Variants in LONP2 observed in about 807,000 individuals in gnomAD.
LONP2 encodes lon protease homolog 2, peroxisomal.
Under a neutral mutation model 85.6 loss-of-function variants are expected in LONP2, and 60 were observed. The observed-to-expected ratio is 0.70, with a 90% CI of 0.57 to 0.87. The LOEUF is 0.87. Among genes scored for constraint, LONP2 ranks in the 40% least tolerant of loss-of-function variants. LONP2 has a pLI of 0.00. For missense variants in LONP2, 860 were observed against 1,063.5 expected (o/e 0.81, Z 2.66); for synonymous variants, 395 against 389.7 (o/e 1.01, Z -0.16).
At chr16:48,335,230 T>G (rs1184081237) in intron 12 of LONP2, among the ~76,000 whole-genome samples, 1 of 152,142 alleles carries the variant, frequency 6.6e-6, no homozygotes, top group South Asian at 2.1e-4. Context: ...AGGCGGGGAA[T>G]CAACCTGATA....
In LONP2 at chr16:48,258,660, A is replaced by G; in HGVS notation, c.643A>G (p.Ile215Val). 6.8e-6 allele frequency: 11 copies of G among 1,611,806 alleles called. No individual in the cohort carries two copies. The highest frequency in any genetic ancestry group is 9.3e-6 in the Non-Finnish European group (11 of 1,179,046). ...CCTAGAGGAGCGGTTCAAGATGACT[A>G]TACCACTGCTTGTCAGACAAATTGA... ...VSLEERFKMT[I>V]PLLVRQIEGL... The change falls in exon 4 of 15, where the codon ATA (isoleucine) becomes GTA (valine). Residue 215 changes from isoleucine to valine, a missense_variant. By Grantham distance (29) the Ile-to-Val change is conservative. Around this residue, in one of 3 missense-constraint regions of LONP2, gnomAD observed 743 missense variants for 917.3 expected, o/e 0.81. Transcript: ENST00000285737.
At chr16:48,245,811 C>T (rs1356057732) in intron 1 of LONP2, among the ~76,000 whole-genome samples, 2 of 151,888 alleles carry the variant, frequency 1.3e-5, no homozygotes, top group Admixed American at 6.6e-5. Context: ...TATATGTGGT[C>T]CACATTATAT....
At position 48,354,959 on chromosome 16, in the gene LONP2, T is replaced by A. The variant is rs1960285954; in HGVS notation, c.*3157T>A. 1 of 152,324 alleles carries A rather than the reference T, an allele frequency of 6.6e-6. No homozygotes were observed. Among genetic ancestry groups the A allele is most frequent in the Non-Finnish European group, 1.5e-5 (1 of 68,020 alleles). 9.4% of individuals were successfully genotyped at this position (152,324 alleles called of 1,614,324 possible). The stretch of plus-strand genomic sequence containing the variant: ...TTTTGTCAAACAAAAACTAATACTT[T>A]CCCTGGGAAAAAGCCATGTGGTAGC... On this transcript the variant is annotated 3_prime_UTR_variant, in exon 15 of 15. Coordinates refer to ENST00000285737, the MANE Select transcript of LONP2 (RefSeq NM_031490.5).
rs1960168326 is a variant in LONP2, at chr16:48,352,017, G to A, written c.*215G>A. 1.7e-6 allele frequency: 1 copy of A among 571,532 alleles called. No individual in the cohort carries two copies. The highest frequency in any genetic ancestry group is 2.2e-5 in the South Asian group (1 of 46,134). The allele number at this position is 571,532 out of a possible 1,614,324, so 35.4% of individuals were successfully genotyped here. A position where few individuals can be genotyped will look rare whatever the true frequency, so the allele number is the denominator to read the frequency against. On this transcript the variant is annotated 3_prime_UTR_variant, in exon 15 of 15. Transcript: ENST00000285737. ...TAAAAATCGAATTCTTGTCTTTTTA[G>A]TGGGATCCTTACTGTCCCTGGAAAG...
intron 1 of LONP2, among the ~76,000 whole-genome samples, chr16:48,245,438 T>C (rs1971313120): frequency 1.3e-5 from 2 of 152,218 alleles, no homozygotes; most frequent in Non-Finnish European, 2.9e-5. Context: ...GAAGAATAAA[T>C]TGAATAATGT....
At chr16:48,299,814 T>G in intron 10 of LONP2, 26 bp downstream of exon 10, 1 of 1,600,710 alleles carries the variant, frequency 6.2e-7, no homozygotes, top group Non-Finnish European at 8.5e-7. Flanking sequence ...TGAGGCTTCA[T>G]TAACTCCAGG....
At chr16:48,303,027 G>T in intron 10 of LONP2, 145 bp from the exon 11 acceptor site, 1 of 718,960 alleles carries the variant, frequency 1.4e-6, no homozygotes, top group Non-Finnish European at 2.2e-6. Context: ...ATAATGAGGA[G>T]TTTTAAGTGT....
At chr16:48,298,727 T>G (rs1046142904) in intron 9 of LONP2, among the ~76,000 whole-genome samples, 2 of 151,760 alleles carry the variant, frequency 1.3e-5, no homozygotes, top group Non-Finnish European at 2.9e-5. Flanking sequence ...ATTTGAAATT[T>G]CAGAGGATTT....
chr16:48,318,557 T>C (rs943850332), intron 11 of LONP2, among the ~76,000 whole-genome samples: 1 of 152,108 alleles, frequency 6.6e-6, no homozygotes, highest in African/African-American at 2.4e-5. Context: ...AAATAAAATA[T>C]TTGAATTTTA....
At chr16:48,346,905 CT>C (rs1214413322) in intron 12 of LONP2, among the ~76,000 whole-genome samples, 1 of 151,772 alleles carries the variant, frequency 6.6e-6, no homozygotes, top group East Asian at 2.0e-4. Context: ...AATCCCAGCA[CT>C]TTGGGAGGCT....
chr16:48,282,051 A>G (rs1972338885), intron 8 of LONP2, among the ~76,000 whole-genome samples: 1 of 152,232 alleles, frequency 6.6e-6, no homozygotes, highest in African/African-American at 2.4e-5. Context: ...TAAATAAGGC[A>G]TACCTTGTTT....
intron 12 of LONP2, among the ~76,000 whole-genome samples, chr16:48,337,850 G>C (rs963163320): frequency 6.6e-6 from 1 of 152,180 alleles, no homozygotes; most frequent in African/African-American, 2.4e-5. Flanking sequence ...GTCTCACTCT[G>C]TCACCTAGGC....
chr16:48,292,128 A>G (rs1972568137), intron 8 of LONP2, among the ~76,000 whole-genome samples: 2 of 152,240 alleles, frequency 1.3e-5, no homozygotes. Context: ...CATCTAGCTT[A>G]GTGAATCTGC....
chr16:48,287,873 G>T (rs1239729782), intron 8 of LONP2, among the ~76,000 whole-genome samples: 2 of 152,140 alleles, frequency 1.3e-5, no homozygotes, highest in Admixed American at 1.3e-4. Flanking sequence ...TTCTGGAGGA[G>T]CAGATTTTCA....
chr16:48,269,010 G>A (rs1596926941), intron 6 of LONP2, among the ~76,000 whole-genome samples: 1 of 152,074 alleles, frequency 6.6e-6, no homozygotes, highest in East Asian at 1.9e-4. Context: ...TTATACCCTG[G>A]CAGCCACCCA....
At chr16:48,263,539 T>C (rs1435964708) in intron 6 of LONP2, among the ~76,000 whole-genome samples, 1 of 152,232 alleles carries the variant, frequency 6.6e-6, no homozygotes, top group African/African-American at 2.4e-5. Flanking sequence ...CAAGATTTCC[T>C]TCTTTTTTAA....
intron 11 of LONP2, among the ~76,000 whole-genome samples, chr16:48,310,928 C>G (rs1013964807): frequency 2.6e-4 from 39 of 152,168 alleles, no homozygotes; most frequent in Admixed American, 1.5e-3. Flanking sequence ...CTTACACTAG[C>G]AGGATACAAA....
chr16:48,293,099 T>C (rs185528603), intron 8 of LONP2, among the ~76,000 whole-genome samples: 14 of 152,342 alleles, frequency 9.2e-5, no homozygotes, highest in Middle Eastern at 3.4e-3. Flanking sequence ...ATATCCAGCA[T>C]ATATGAATTA....
Position 48,261,492 on chromosome 16 carries a change from T to C in LONP2, c.792T>C (p.Asp264=). Residue 264 remains aspartate, a synonymous_variant, in exon 5 of 15, where the codon GAT becomes GAC. Transcript: ENST00000285737. ...ISGTLEDEDE[D]EDNDDIVMLE... ...GTACTTTAGAAGATGAAGATGAAGATGAAGATAATGATGACATTGTCATGC... is the reference window on the plus strand; with the variant it reads ...GTACTTTAGAAGATGAAGATGAAGACGAAGATAATGATGACATTGTCATGC... 6.2e-7 allele frequency: 1 copy of C among 1,608,232 alleles called. No homozygotes were observed. Among genetic ancestry groups the C allele is most frequent in the Non-Finnish European group, 8.5e-7 (1 of 1,176,906 alleles).
Sources: gnomAD v4.1 joint callset for allele counts (sites outside exome capture counted in the v4.1 genomes callset) on GRCh38, gnomAD v4.1.1 for gene constraint, gnomAD v4.1.1 regional missense constraint, MANE v1.5 for transcripts, NCBI Gene and HGNC (gene_info 2026-07-23, HGNC 2026-07-21) for gene names.